Variants in UBAP1L observed in about 807,000 individuals in gnomAD.
UBAP1L encodes ubiquitin-associated protein 1-like.
Under a neutral mutation model 32.1 loss-of-function variants are expected in UBAP1L, and 32 were observed. The observed-to-expected ratio is 1.00, with a 90% CI of 0.75 to 1.34. UBAP1L has a LOEUF of 1.34. UBAP1L is among the 40% of genes most tolerant of loss of function. The pLI is 0.00. For missense variants in UBAP1L, 516 were observed against 540.5 expected (o/e 0.95, Z 0.45); for synonymous variants, 243 against 250.2 (o/e 0.97, Z 0.27).
Position 65,105,915 on chromosome 15 carries a change from C to T in UBAP1L, c.120+181G>A, listed in dbSNP as rs562078035. 66 of 833,562 alleles carry T rather than the reference C, an allele frequency of 7.9e-5. No homozygotes were observed. In the African/African-American group the frequency reaches 1.0e-3, roughly 13 times the overall value. 51.6% of individuals were successfully genotyped at this position (833,562 alleles called of 1,614,324 possible). ...AAACAATTCTCATGCCTCCACCTTC[C>T]GAGTAGCTGGGATTACAGGCACGCG... On this transcript the variant is annotated intron_variant, in intron 2 of 5. Coordinates refer to ENST00000559089, the MANE Select transcript of UBAP1L (RefSeq NM_001163692.2).
chr15:65,106,049 C>T (rs1301948227), intron 2 of UBAP1L, 47 bp downstream of exon 2: 1 of 1,548,484 alleles, frequency 6.5e-7, no homozygotes. Context: ...ATGGACTCAG[C>T]CCCAGACCCA....
In UBAP1L at chr15:65,094,104, G is replaced by A. The variant is rs775755101; in HGVS notation, c.1011+371C>T. On this transcript the variant is annotated intron_variant, in intron 5 of 5. Coordinates refer to ENST00000559089, the MANE Select transcript of UBAP1L (RefSeq NM_001163692.2). This position sits in a 1 kb window ranked among gnomAD's most constrained non-coding sequence, Gnocchi z 4.2. ...TGCATGCACTTGGGGTAGGCGGCAC[G>A]CTCCCCAAGTAGAAAGGTCATGCAT... is the stretch of plus-strand genomic sequence containing the variant. 6.2e-4 allele frequency among the ~76,000 whole-genome samples: 95 copies of A among 152,266 alleles called. No individual in the cohort carries two copies. The Middle Eastern group carries it at 0.027, about 44-fold the overall frequency.
In UBAP1L at chr15:65,094,925, T is replaced by G. The variant is rs1369632233; in HGVS notation, c.910-349A>C. The G allele has an allele frequency of 6.0e-6, 2 of 333,118 alleles. No individual in the cohort carries two copies. Among genetic ancestry groups the G allele is most frequent in the Admixed American group, 8.3e-5 (2 of 24,168 alleles). The allele number at this position is 333,118 out of a possible 1,614,324, so 20.6% of individuals were successfully genotyped here. A position where few individuals can be genotyped will look rare whatever the true frequency, so the allele number is the denominator to read the frequency against. On this transcript the variant is annotated intron_variant, in intron 4 of 5. Transcript: ENST00000559089. The surrounding 1 kb of genome is among the most constrained non-coding windows in gnomAD (Gnocchi z 4.2). ...CCTACCACCCAACGCAATTCAACAT[T>G]CATGCACCACCCACCCCTGTCTGGG...
At chr15:65,113,040 C>T (rs1595924722) in intron 1 of UBAP1L, among the ~76,000 whole-genome samples, 1 of 152,164 alleles carries the variant, frequency 6.6e-6, no homozygotes, top group East Asian at 1.9e-4. Flanking sequence ...TTCTGTTCCA[C>T]ACACTGAGGC....
intron 2 of UBAP1L, among the ~76,000 whole-genome samples, chr15:65,103,980 C>A (rs1455923430): frequency 6.6e-6 from 1 of 152,154 alleles, no homozygotes; most frequent in East Asian, 1.9e-4. Flanking sequence ...AAGGGCTGGG[C>A]TCGGTGGCTC....
Position 65,093,184 on chromosome 15 carries a change from G to T in UBAP1L, c.1059C>A (p.Phe353Leu). ...RLWEQFSDMGFQQDRIKEVLL... is the reference protein window; with the variant it reads ...RLWEQFSDMGLQQDRIKEVLL... ...GCACCTCCTTGATCCGGTCCTGCTG[G>T]AAGCCCATGTCACTGAACTGCTCCC... The change falls in exon 6 of 6, where the codon TTC (phenylalanine) becomes TTA (leucine). Residue 353 changes from phenylalanine (F) to leucine (L), a missense_variant. Phe to Leu is a conservative substitution (Grantham distance 22, BLOSUM62 0). Transcript: ENST00000559089. 6.5e-7 allele frequency: 1 copy of T among 1,550,026 alleles called. No homozygotes were observed.
At position 65,099,495 on chromosome 15, in the gene UBAP1L, C is replaced by A; in HGVS notation, c.909+10G>T. ...ATCACAGCTCATCAGCTCTGGGTCC[C>A]CCAACTCACCTGGCTCAGGCTCTGC... On this transcript the variant is annotated intron_variant, in intron 4 of 5. Transcript: ENST00000559089. 6.5e-7 allele frequency: 1 copy of A among 1,549,218 alleles called. No individual in the cohort carries two copies. The highest frequency in any genetic ancestry group is 8.7e-7 in the Non-Finnish European group (1 of 1,146,552).
At chr15:65,109,556 C>G (rs2087354695) in intron 1 of UBAP1L, among the ~76,000 whole-genome samples, 1 of 133,710 alleles carries the variant, frequency 7.5e-6, no homozygotes, top group African/African-American at 2.8e-5. Flanking sequence ...AAAACAAAAA[C>G]AAATCACAGA....
intron 1 of UBAP1L, among the ~76,000 whole-genome samples, chr15:65,113,398 A>G (rs980912248): frequency 1.3e-5 from 2 of 152,138 alleles, no homozygotes; most frequent in Non-Finnish European, 2.9e-5. Context: ...ACCTTTGCAT[A>G]TCCTGTTCTG....
Position 65,092,778 on chromosome 15 carries a change from A to G in UBAP1L, c.*319T>C. 1.1e-5 allele frequency: 3 copies of G among 269,488 alleles called. No homozygotes were observed. The highest frequency in any genetic ancestry group is 7.0e-6 in the Non-Finnish European group (1 of 143,554). The allele number at this position is 269,488 out of a possible 1,614,324, so 16.7% of individuals were successfully genotyped here. A position where few individuals can be genotyped will look rare whatever the true frequency, so the allele number is the denominator to read the frequency against. ...GCAGGACTCAGAAGAACTGCCCATT[A>G]TTTATTTGTTTTAATTTTCTTAAAA... On this transcript the variant is annotated 3_prime_UTR_variant, in exon 6 of 6. Transcript: ENST00000559089.
At chr15:65,103,099 C>A (rs1290582120) in intron 2 of UBAP1L, among the ~76,000 whole-genome samples, 1 of 152,244 alleles carries the variant, frequency 6.6e-6, no homozygotes, top group Non-Finnish European at 1.5e-5. Flanking sequence ...CCCGCCCAGG[C>A]AGACAAACCT....
chr15:65,101,630 T>C (rs1301458583), intron 3 of UBAP1L: 1 of 152,572 alleles, frequency 6.6e-6, no homozygotes, highest in Non-Finnish European at 1.5e-5. Context: ...TATTCCTTGA[T>C]TGAGCCTCCA....
chr15:65,102,753 C>A lies in UBAP1L; in HGVS notation c.121-69G>T. On this transcript the variant is annotated intron_variant, in intron 2 of 5. Coordinates refer to ENST00000559089, the MANE Select transcript of UBAP1L (RefSeq NM_001163692.2). The surrounding 1 kb of genome is among the most constrained non-coding windows in gnomAD (Gnocchi z 5.0). ...CCGGGGGCACAACACTAACCCCTGGCCTGGGGGACCCTGTTCAGCCAGAGA... is the reference window on the plus strand; with the variant it reads ...CCGGGGGCACAACACTAACCCCTGGACTGGGGGACCCTGTTCAGCCAGAGA... The A allele has an allele frequency of 7.2e-7, 1 of 1,380,774 alleles. No individual in the cohort carries two copies. Among genetic ancestry groups the A allele is most frequent in the Non-Finnish European group, 9.8e-7 (1 of 1,024,424 alleles). The allele number at this position is 1,380,774 out of a possible 1,614,324, so 85.5% of individuals were successfully genotyped here.
At position 65,092,973 on chromosome 15, in the gene UBAP1L, TG is replaced by T; in HGVS notation, c.*123del. The T allele has an allele frequency of 7.8e-7, 1 of 1,278,800 alleles. No homozygotes were observed. The highest frequency in any genetic ancestry group is 1.0e-6 in the Non-Finnish European group (1 of 956,308). 79.2% of individuals were successfully genotyped at this position (1,278,800 alleles called of 1,614,324 possible). On this transcript the variant is annotated 3_prime_UTR_variant, in exon 6 of 6. Transcript: ENST00000559089. ...GTTAACTGTCACCCTTGGTATTATT[TG>T]TGTTTTTACAATAAGTATGCATCAC...
In UBAP1L at chr15:65,102,125, C is replaced by T. The variant is rs2087246312; in HGVS notation, c.680G>A (p.Ser227Asn). Residue 227 changes from serine to asparagine, a missense_variant, in exon 3 of 6, where the codon AGC (serine) becomes AAC (asparagine). By Grantham distance (46) the Ser-to-Asn change is conservative (BLOSUM62 1). Coordinates refer to ENST00000559089, the MANE Select transcript of UBAP1L (RefSeq NM_001163692.2). The surrounding 1 kb of genome is among the most constrained non-coding windows in gnomAD (Gnocchi z 5.0). Reference sequence around the variant, plus strand: ...CCTTACCGCGACCGTAGGCTTGTGGCTCCGCAGCGGGGGGATGGCGCCTGC... The same window carrying T: ...CCTTACCGCGACCGTAGGCTTGTGGTTCCGCAGCGGGGGGATGGCGCCTGC... Reference protein sequence around the residue: ...STAGAIPPLRSHKPTVASLSP... With the variant: ...STAGAIPPLRNHKPTVASLSP... The T allele has an allele frequency of 8.3e-7, 1 of 1,207,030 alleles. No homozygotes were observed. The highest frequency in any genetic ancestry group is 4.1e-5 in the South Asian group (1 of 24,172). 74.8% of individuals were successfully genotyped at this position (1,207,030 alleles called of 1,614,324 possible).
intron 1 of UBAP1L, among the ~76,000 whole-genome samples, chr15:65,114,582 C>A (rs1302236574): frequency 6.6e-6 from 1 of 152,182 alleles, no homozygotes; most frequent in African/African-American, 2.4e-5. Flanking sequence ...AATCATTAAG[C>A]TTCTTCACTC....
In UBAP1L at chr15:65,102,765, T is replaced by C; in HGVS notation, c.121-81A>G. On this transcript the variant is annotated intron_variant, in intron 2 of 5. Coordinates refer to ENST00000559089, the MANE Select transcript of UBAP1L (RefSeq NM_001163692.2). The surrounding 1 kb of genome is among the most constrained non-coding windows in gnomAD (Gnocchi z 5.0). Reference sequence around the variant, plus strand: ...CACTAACCCCTGGCCTGGGGGACCCTGTTCAGCCAGAGACTCTCTAAGCCT... The same window carrying C: ...CACTAACCCCTGGCCTGGGGGACCCCGTTCAGCCAGAGACTCTCTAAGCCT... 7.6e-7 allele frequency: 1 copy of C among 1,317,472 alleles called. No individual in the cohort carries two copies. 81.6% of individuals were successfully genotyped at this position (1,317,472 alleles called of 1,614,324 possible).
intron 2 of UBAP1L, chr15:65,104,744 A>T (rs1421186169): frequency 6.0e-6 from 1 of 167,206 alleles, no homozygotes; most frequent in African/African-American, 2.4e-5. Flanking sequence ...GCGGTGGCTC[A>T]CGCCTGTAAT....
chr15:65,097,507 C>G (rs1329906408), intron 4 of UBAP1L: 1 of 152,298 alleles, frequency 6.6e-6, no homozygotes, highest in Non-Finnish European at 1.5e-5. Flanking sequence ...GTCAGACCAG[C>G]TGGCCTCAAC....
Sources: allele counts gnomAD v4.1 joint callset (sites outside exome capture counted in the v4.1 genomes callset), GRCh38; gene constraint gnomAD v4.1.1; non-coding constraint Gnocchi (gnomAD v3.1); transcripts MANE v1.5; gene names NCBI Gene and HGNC (gene_info 2026-07-23, HGNC 2026-07-21).